CACNA1C: variants seen among roughly 807,000 people sequenced by gnomAD.
CACNA1C encodes voltage-dependent L-type calcium channel subunit alpha-1C.
CACNA1C carries 30 observed loss-of-function variants against 229.0 expected under a neutral mutation model. The ratio of observed to expected loss-of-function variants is 0.13; its 90% CI spans 0.10 to 0.18. The LOEUF (loss-of-function observed/expected upper bound fraction) is 0.18, where lower values mean the gene tolerates loss of function less well. Ranked by LOEUF, CACNA1C falls within the 10% of genes least tolerant of loss-of-function variation. CACNA1C has a pLI of 1.00. For missense variants in CACNA1C, 1,658 were observed against 2,845.0 expected (o/e 0.58, Z 9.49); for synonymous variants, 1,114 against 1,132.5 (o/e 0.98, Z 0.33).
Position 2,608,470 on chromosome 12 carries a change from GC to G in CACNA1C, c.3357-40del. On this transcript the variant is annotated intron_variant, in intron 26 of 46. Coordinates refer to ENST00000399655, the MANE Select transcript of CACNA1C (RefSeq NM_000719.7). The surrounding 1 kb of genome is among the most constrained non-coding windows in gnomAD (Gnocchi z 4.2). ...GCCGTCCTTCCGCAGAGGGGACCCT[GC>G]TTCTCCAGTTCCCTCTGTGGGACCT... 1 of 1,504,634 alleles carries G rather than the reference GC, an allele frequency of 6.6e-7. No individual in the cohort carries two copies. The highest frequency in any genetic ancestry group is 9.1e-7 in the Non-Finnish European group (1 of 1,102,848). The allele number at this position is 1,504,634 out of a possible 1,614,324, so 93.2% of individuals were successfully genotyped here. A position where few individuals can be genotyped will look rare whatever the true frequency, so the allele number is the denominator to read the frequency against.
rs1428706970 is a variant in CACNA1C at position 2,597,753 on chromosome 12, G to T, written c.2853+464G>T. On this transcript the variant is annotated intron_variant, in intron 21 of 46. Coordinates refer to ENST00000399655, the MANE Select transcript of CACNA1C (RefSeq NM_000719.7). This position sits in a 1 kb window ranked among gnomAD's most constrained non-coding sequence, Gnocchi z 4.3. ...CGTGGCCTGGAAGGGACACGTGTTGGCTGTGCCAACATTAAGGCTGCCATT... is the reference window on the plus strand; with the variant it reads ...CGTGGCCTGGAAGGGACACGTGTTGTCTGTGCCAACATTAAGGCTGCCATT... Among the ~76,000 whole-genome samples, 5 of 152,300 alleles carry T rather than the reference G, an allele frequency of 3.3e-5. No individual in the cohort carries two copies. The highest frequency in any genetic ancestry group is 9.6e-5 in the African/African-American group (4 of 41,570).
chr12:2,669,805 A>G (rs11062303), intron 38 of CACNA1C, among the ~76,000 whole-genome samples: 12,954 of 152,246 alleles, frequency 0.085, 792 homozygotes, highest in African/African-American at 0.16. Context: ...CCACCTAGTC[A>G]GACCGGGCTC....
chr12:2,121,317 T>C lies in CACNA1C; in HGVS notation c.477+887T>C, dbSNP rs1483853356. The stretch of plus-strand genomic sequence containing the variant: ...TGGAACCGTCCAATGAGATGGTTTT[T>C]AAAAGAAGCAGGCAGCTTATAGGAT... On this transcript the variant is annotated intron_variant, in intron 3 of 46. Transcript: ENST00000399655. Among the ~76,000 whole-genome samples the C allele has an allele frequency of 2.0e-5, 3 of 152,226 alleles. No individual in the cohort carries two copies. The East Asian group carries it at 5.8e-4, about 29-fold the overall frequency.
In CACNA1C at chr12:2,549,902, C is replaced by T. The variant is rs140011312; in HGVS notation, c.1391-41C>T. Reference sequence around the variant, plus strand: ...CTGCTCTTCTGTTCCCTTGTCTCCCCACCCTCAATGCCTGGCTCTGCTTCC... The same window carrying T: ...CTGCTCTTCTGTTCCCTTGTCTCCCTACCCTCAATGCCTGGCTCTGCTTCC... On this transcript the variant is annotated intron_variant, in intron 9 of 46. Transcript: ENST00000399655. The T allele has an allele frequency of 4.3e-4, 611 of 1,417,026 alleles. No homozygotes were observed. In the African/African-American group the frequency reaches 5.8e-3, roughly 13 times the overall value. The allele number at this position is 1,417,026 out of a possible 1,614,324, so 87.8% of individuals were successfully genotyped here.
At chr12:2,405,843 T>C (rs2098732126) in intron 3 of CACNA1C, among the ~76,000 whole-genome samples, 1 of 152,222 alleles carries the variant, frequency 6.6e-6, no homozygotes, top group Non-Finnish European at 1.5e-5. Flanking sequence ...ATATTCTTGC[T>C]CTTTCTGTTC....
intron 3 of CACNA1C, among the ~76,000 whole-genome samples, chr12:2,196,211 G>A (rs2097398372): frequency 6.6e-6 from 1 of 152,220 alleles, no homozygotes; most frequent in African/African-American, 2.4e-5. Flanking sequence ...GGAGTCTGGG[G>A]TCCTTCTGTT....
chr12:2,390,066 G>A (rs2154548467), intron 3 of CACNA1C, among the ~76,000 whole-genome samples: 1 of 152,274 alleles, frequency 6.6e-6, no homozygotes, highest in Non-Finnish European at 1.5e-5. Context: ...AGAAGTTGAG[G>A]GGTTATTTGA....
At chr12:2,190,498 G>A (rs2097177604) in intron 3 of CACNA1C, among the ~76,000 whole-genome samples, 1 of 152,200 alleles carries the variant, frequency 6.6e-6, no homozygotes, top group African/African-American at 2.4e-5. Context: ...ACTAGGCCCT[G>A]CCAGCCATTC....
chr12:2,111,748 C>T (rs2081852801), intron 1 of CACNA1C, among the ~76,000 whole-genome samples: 1 of 152,020 alleles, frequency 6.6e-6, no homozygotes, highest in African/African-American at 2.4e-5. Context: ...AATTATATAC[C>T]ACAGATTGAA....
intron 3 of CACNA1C, among the ~76,000 whole-genome samples, chr12:2,195,376 G>A (rs1323854213): frequency 6.6e-6 from 1 of 152,194 alleles, no homozygotes; most frequent in Admixed American, 6.5e-5. Flanking sequence ...TCATGGCTGT[G>A]CTACTGCTAC....
intron 9 of CACNA1C, among the ~76,000 whole-genome samples, chr12:2,514,824 CT>C (rs1355790576): frequency 2.6e-5 from 4 of 151,902 alleles, no homozygotes; most frequent in Non-Finnish European, 5.9e-5. Flanking sequence ...GGAGAGTGTG[CT>C]GCTTCTCCAT....
At position 2,617,814 on chromosome 12, in the gene CACNA1C, A is replaced by G. The variant is rs1223753771; in HGVS notation, c.3828+5801A>G. Among the ~76,000 whole-genome samples, 3 of 152,310 alleles carry G rather than the reference A, an allele frequency of 2.0e-5. No homozygotes were observed. In the East Asian group the frequency reaches 5.8e-4, roughly 29 times the overall value. ...TGTAGGTTCGCATATGGATGGGCAG[A>G]GGGAAAGTTGGAATGAGGAGGTGGG... On this transcript the variant is annotated intron_variant, in intron 29 of 46. Coordinates refer to ENST00000399655, the MANE Select transcript of CACNA1C (RefSeq NM_000719.7).
intron 3 of CACNA1C, among the ~76,000 whole-genome samples, chr12:2,135,849 C>T (rs1205158912): frequency 2.7e-5 from 4 of 147,350 alleles, no homozygotes; most frequent in Non-Finnish European, 5.9e-5. Flanking sequence ...TTCGAGCTTC[C>T]CGGCTGCTTT....
chr12:2,115,398 C>T lies in CACNA1C; in HGVS notation c.224C>T (p.Thr75Ile). The T allele has an allele frequency of 6.2e-7, 1 of 1,611,620 alleles. No homozygotes were observed. The highest frequency in any genetic ancestry group is 8.5e-7 in the Non-Finnish European group (1 of 1,179,598). The change falls in exon 2 of 47, where the codon ACA becomes ATA. Residue 75 changes from threonine (T) to isoleucine (I), a missense_variant. Thr to Ile is a moderately conservative substitution (Grantham distance 89). Coordinates refer to ENST00000399655, the MANE Select transcript of CACNA1C (RefSeq NM_000719.7). The part of the protein sequence containing the change: ...MGSAGNATIS[T>I]VSSTQRKRQQ... ...AGCGCTGGCAATGCGACCATCTCCA[C>T]AGTCAGCTCCACGCAGCGGAAGCGG... is the stretch of plus-strand genomic sequence containing the variant.
chr12:2,261,796 T>C (rs1219283145), intron 3 of CACNA1C, among the ~76,000 whole-genome samples: 2 of 152,224 alleles, frequency 1.3e-5, no homozygotes, highest in African/African-American at 4.8e-5. Context: ...AGCAGTTCCA[T>C]GCCATCCCAT....
intron 3 of CACNA1C, among the ~76,000 whole-genome samples, chr12:2,432,545 C>T (rs2099096351): frequency 6.6e-6 from 1 of 152,138 alleles, no homozygotes; most frequent in South Asian, 2.1e-4. Flanking sequence ...TCTCTTGCTA[C>T]CTTGGGGATT....
intron 1 of CACNA1C, among the ~76,000 whole-genome samples, chr12:2,000,701 G>A (rs1755566380): frequency 6.6e-6 from 1 of 152,100 alleles, no homozygotes; most frequent in Admixed American, 6.6e-5. Flanking sequence ...ATCATGCTGG[G>A]CTAATTAGTT....
intron 3 of CACNA1C, among the ~76,000 whole-genome samples, chr12:2,187,013 C>A (rs887940990): frequency 2.0e-5 from 3 of 152,294 alleles, no homozygotes; most frequent in South Asian, 4.1e-4. Flanking sequence ...TCCTGCTGCC[C>A]CCTTGCCTGT....
At chr12:1,972,790 AAAG>A (rs1329911585) in intron 1 of CACNA1C, among the ~76,000 whole-genome samples, 7 of 152,288 alleles carry the variant, frequency 4.6e-5, no homozygotes, top group Middle Eastern at 3.4e-3. Flanking sequence ...AAAAGGAAAA[AAAG>A]AAGGATGGAA....
Sources: allele counts gnomAD v4.1 joint callset (sites outside exome capture counted in the v4.1 genomes callset), GRCh38; gene constraint gnomAD v4.1.1; non-coding constraint Gnocchi (gnomAD v3.1); transcripts MANE v1.5; gene names NCBI Gene and HGNC (gene_info 2026-07-23, HGNC 2026-07-21).